TCERG1: variants seen among roughly 807,000 people sequenced by gnomAD.
TCERG1 encodes transcription elongation regulator 1.
Under a neutral mutation model 144.7 loss-of-function variants are expected in TCERG1, and 37 were observed. The observed-to-expected ratio is 0.26, with a 90% CI of 0.20 to 0.34. TCERG1 has a LOEUF of 0.34. Among genes scored for constraint, TCERG1 ranks in the 10% least tolerant of loss-of-function variants. The pLI, the probability that TCERG1 is intolerant of heterozygous loss-of-function variation, is 1.00. For synonymous variants in TCERG1, 492 were observed against 458.2 expected (o/e 1.07, Z -0.94); for missense variants, 1,027 against 1,380.7 (o/e 0.74, Z 4.06).
chr5:146,483,662 T>G, intron 15 of TCERG1, 33 bp downstream of exon 15: 1 of 1,517,066 alleles, frequency 6.6e-7, no homozygotes, highest in Non-Finnish European at 9.0e-7. Flanking sequence ...TAAGAATGTA[T>G]ATCTCTTGCC....
At chr5:146,479,779 C>A in intron 10 of TCERG1, 76 bp from the exon 11 acceptor site, 1 of 1,422,612 alleles carries the variant, frequency 7.0e-7, no homozygotes, top group South Asian at 1.2e-5. Context: ...ATTATGTAAA[C>A]AGTAATTTTT....
At chr5:146,477,275 A>G (rs146179819) in intron 9 of TCERG1, among the ~76,000 whole-genome samples, 3 of 152,016 alleles carry the variant, frequency 2.0e-5, no homozygotes, top group Non-Finnish European at 4.4e-5. Context: ...TGTTGCTTCA[A>G]AGTTTTTTAC....
chr5:146,491,690 A>G (rs974663342), intron 15 of TCERG1, among the ~76,000 whole-genome samples: 2 of 152,106 alleles, frequency 1.3e-5, no homozygotes, highest in Admixed American at 6.5e-5. Context: ...CTTATTCCCA[A>G]TTCAGATTCC....
Position 146,470,545 on chromosome 5 carries a change from G to A in TCERG1, c.1400-91G>A, listed in dbSNP as rs193300371. The stretch of plus-strand genomic sequence containing the variant: ...ATTTTATCTTCATGGTTAATACTTG[G>A]GAATGGAATATCTTAATGGCTTATT... On this transcript the variant is annotated intron_variant, in intron 7 of 22. Coordinates refer to ENST00000679501, the MANE Select transcript of TCERG1 (RefSeq NM_001382548.1). 1.5e-4 allele frequency: 147 copies of A among 1,011,016 alleles called. 1 individual carries two copies. The African/African-American group carries it at 2.3e-3, about 16-fold the overall frequency. The allele number at this position is 1,011,016 out of a possible 1,614,324, so 62.6% of individuals were successfully genotyped here. A position where few individuals can be genotyped will look rare whatever the true frequency, so the allele number is the denominator to read the frequency against.
Position 146,511,346 on chromosome 5 carries a change from C to CT in TCERG1, c.*707dup, listed in dbSNP as rs1344296160. ...CATATTTTATTCACCATTAAGTGAT[C>CT]TTTATCAATATTCTGGATTAGACAA... On this transcript the variant is annotated 3_prime_UTR_variant, in exon 23 of 23. Transcript: ENST00000679501. The CT allele has an allele frequency of 6.6e-6, 1 of 152,574 alleles. No individual in the cohort carries two copies. Among genetic ancestry groups the CT allele is most frequent in the East Asian group, 1.9e-4 (1 of 5,192 alleles). The allele number at this position is 152,574 out of a possible 1,614,324, so 9.5% of individuals were successfully genotyped here. A position where few individuals can be genotyped will look rare whatever the true frequency, so the allele number is the denominator to read the frequency against.
At chr5:146,473,175 T>C (rs1174381092) in intron 9 of TCERG1, among the ~76,000 whole-genome samples, 1 of 152,228 alleles carries the variant, frequency 6.6e-6, no homozygotes, top group Non-Finnish European at 1.5e-5. Context: ...AACATAAGAA[T>C]GATAAGAACC....
rs1763911466 is a variant in TCERG1 at position 146,467,691 on chromosome 5, A to G, written c.1136-650A>G. On this transcript the variant is annotated intron_variant, in intron 5 of 22. Transcript: ENST00000679501. ...TTTTAGCCTGCTTCCACAGTGTTCT[A>G]AGGCCATGGGGTTCCATAGAGCAGG... Among the ~76,000 whole-genome samples, 3 of 152,206 alleles carry G rather than the reference A, an allele frequency of 2.0e-5. No individual in the cohort carries two copies. The South Asian group carries it at 6.2e-4, about 32-fold the overall frequency.
At chr5:146,463,464 T>G (rs1447883232) in intron 4 of TCERG1, 87 bp from the exon 5 acceptor site, 1 of 1,571,874 alleles carries the variant, frequency 6.4e-7, no homozygotes, top group Non-Finnish European at 8.6e-7. Context: ...CTTAAATACT[T>G]AAATTACTGA....
chr5:146,500,421 T>G (rs1316574808), intron 17 of TCERG1, among the ~76,000 whole-genome samples: 1 of 152,082 alleles, frequency 6.6e-6, no homozygotes, highest in Non-Finnish European at 1.5e-5. Context: ...AAAAATCACA[T>G]TGTAACTGAG....
At chr5:146,481,747 A>T (rs1359678673) in intron 13 of TCERG1, 1 of 152,184 alleles carries the variant, frequency 6.6e-6, no homozygotes, top group Non-Finnish European at 1.5e-5. Flanking sequence ...ATTGAATTAC[A>T]TACTTTTTTG....
At chr5:146,460,770 A>G (rs965423136) in intron 4 of TCERG1, among the ~76,000 whole-genome samples, 2 of 152,200 alleles carry the variant, frequency 1.3e-5, no homozygotes, top group South Asian at 4.1e-4. Flanking sequence ...GAACAGGAAA[A>G]TATGAATAGT....
At chr5:146,452,145 G>GT (rs1561627523) in intron 1 of TCERG1, among the ~76,000 whole-genome samples, 1 of 152,096 alleles carries the variant, frequency 6.6e-6, no homozygotes, top group Non-Finnish European at 1.5e-5. Flanking sequence ...CGATGATGTG[G>GT]TAAATTTAGA....
intron 1 of TCERG1, among the ~76,000 whole-genome samples, chr5:146,450,094 T>A (rs1022183164): frequency 2.0e-5 from 3 of 152,228 alleles, no homozygotes; most frequent in Non-Finnish European, 4.4e-5. Context: ...AACAATAATG[T>A]GTTTTAATGT....
chr5:146,454,482 C>G (rs746349499), intron 1 of TCERG1, among the ~76,000 whole-genome samples: 3 of 151,624 alleles, frequency 2.0e-5, no homozygotes, highest in Non-Finnish European at 2.9e-5. Context: ...TACTTTAAGA[C>G]CATCAGATAA....
chr5:146,459,448 A>G (rs1763155726), intron 4 of TCERG1, 111 bp downstream of exon 4: 1 of 1,495,596 alleles, frequency 6.7e-7, no homozygotes, highest in African/African-American at 1.4e-5. Context: ...TAATACCAGA[A>G]TTATTTAAAA....
At chr5:146,489,570 CTTACTT>C (rs1486964551) in intron 15 of TCERG1, among the ~76,000 whole-genome samples, 8 of 152,100 alleles carry the variant, frequency 5.3e-5, no homozygotes, top group Non-Finnish European at 1.0e-4. Context: ...ATAATGGAGA[CTTACTT>C]TTAGTAAATG....
intron 19 of TCERG1, 62 bp downstream of exon 19, chr5:146,504,068 A>G: frequency 7.5e-7 from 1 of 1,337,466 alleles, no homozygotes; most frequent in Non-Finnish European, 9.8e-7. Context: ...TTATTATGTT[A>G]CTGTTATGAA....
At chr5:146,450,459 G>C (rs558514493) in intron 1 of TCERG1, among the ~76,000 whole-genome samples, 1 of 152,140 alleles carries the variant, frequency 6.6e-6, no homozygotes, top group Non-Finnish European at 1.5e-5. Flanking sequence ...AATAATTATA[G>C]TAATAATAGC....
chr5:146,469,554 A>C lies in TCERG1; in HGVS notation c.1209A>C (p.Pro403=). Residue 403 remains proline (P), a synonymous_variant, in exon 7 of 23, where the codon CCA becomes CCC. Transcript: ENST00000679501. The stretch of plus-strand genomic sequence containing the variant: ...TTATTCTTTTTTTAGGTGTATTGCC[A>C]GGAATGGCCCCTCCTATCGTACCCA... ...TVATTKTGVL[P]GMAPPIVPMI... is the part of the protein sequence containing the mutation. The C allele has an allele frequency of 6.3e-7, 1 of 1,595,106 alleles. No homozygotes were observed. Among genetic ancestry groups the C allele is most frequent in the Non-Finnish European group, 8.5e-7 (1 of 1,173,588 alleles).
Sources: allele counts gnomAD v4.1 joint callset (sites outside exome capture counted in the v4.1 genomes callset), GRCh38; gene constraint gnomAD v4.1.1; transcripts MANE v1.5; gene names NCBI Gene and HGNC (gene_info 2026-07-23, HGNC 2026-07-21).